RBFOX1: variants seen among roughly 807,000 people sequenced by gnomAD.
RBFOX1 encodes the protein RNA binding protein fox-1 homolog 1.
In RBFOX1, 8 loss-of-function variants were observed where a neutral mutation model predicts 57.7. The observed-to-expected ratio is 0.14, with a 90% CI of 0.08 to 0.25. RBFOX1 has a LOEUF of 0.25. RBFOX1 is among the 10% of genes least tolerant of loss of function. The pLI, the probability that RBFOX1 is intolerant of heterozygous loss-of-function variation, is 1.00. For missense variants in RBFOX1, 611 were observed against 548.5 expected (o/e 1.11, Z -1.14); for synonymous variants, 326 against 222.4 (o/e 1.47, Z -4.15).
At chr16:5,602,772 A>T (rs2047408115), downstream of RBFOX1, among the ~76,000 whole-genome samples, 1 of 152,130 alleles carries the variant, frequency 6.6e-6, no homozygotes, top group South Asian at 2.1e-4. Context: ...AATAAATGTA[A>T]TATAGTAAGA....
At chr16:6,106,466 C>CAAAAAAAAAAAAA (rs139996811) in intron 1 of RBFOX1, among the ~76,000 whole-genome samples, 3 of 109,450 alleles carry the variant, frequency 2.7e-5, no homozygotes, top group Admixed American at 9.5e-5. Flanking sequence ...GTATCTGTCT[C>CAAAAAAAAAAAAA]AAAAATAAAA....
intron 1 of RBFOX1, among the ~76,000 whole-genome samples, chr16:6,136,605 A>G (rs745706289): frequency 6.6e-6 from 1 of 152,200 alleles, no homozygotes; most frequent in Non-Finnish European, 1.5e-5. Context: ...AATGTAAATT[A>G]TACATTTGCA....
chr16:7,278,795 G>T (rs1307182655), intron 4 of RBFOX1, among the ~76,000 whole-genome samples: 1 of 152,158 alleles, frequency 6.6e-6, no homozygotes, highest in Non-Finnish European at 1.5e-5. Flanking sequence ...TATGTACACT[G>T]ATATTCATTC....
chr16:6,968,156 G>A (rs1004151998), intron 3 of RBFOX1, among the ~76,000 whole-genome samples: 3 of 152,152 alleles, frequency 2.0e-5, no homozygotes, highest in African/African-American at 7.2e-5. Flanking sequence ...CGGCCTCAGG[G>A]TGGGAACCCC....
intron 3 of RBFOX1, among the ~76,000 whole-genome samples, chr16:5,637,942 C>G (rs1325783224): frequency 2.0e-5 from 3 of 152,184 alleles, no homozygotes; most frequent in Admixed American, 6.5e-5. Context: ...TGAAAAATGC[C>G]TAGAGGTCCA....
intron 3 of RBFOX1, among the ~76,000 whole-genome samples, chr16:6,841,437 T>G (rs1163288624): frequency 6.6e-6 from 1 of 152,180 alleles, no homozygotes; most frequent in Non-Finnish European, 1.5e-5. Flanking sequence ...TTTTTTTCTT[T>G]TGTTTGCTTG....
chr16:6,099,314 G>A (rs1254425133), intron 1 of RBFOX1, among the ~76,000 whole-genome samples: 5 of 152,144 alleles, frequency 3.3e-5, no homozygotes, highest in South Asian at 2.1e-4. Context: ...TCATGATGAC[G>A]TCAGTAAAGG....
rs2094576016 is a variant in RBFOX1 at position 6,450,767 on chromosome 16, G to GACACA, written c.-64+133710_-64+133711insACACA. 6.2e-4 allele frequency among the ~76,000 whole-genome samples: 21 copies of GACACA among 34,136 alleles called. 1 individual carries two copies. In the South Asian group the frequency reaches 0.016, roughly 27 times the overall value. The allele number at this position is 34,136 out of a possible 152,430, so 22.4% of individuals were successfully genotyped here. A position where few individuals can be genotyped will look rare whatever the true frequency, so the allele number is the denominator to read the frequency against. On this transcript the variant is annotated intron_variant, in intron 2 of 15. Coordinates refer to ENST00000550418, the MANE Select transcript of RBFOX1 (RefSeq NM_018723.4). ...TATATATATATACATATATATATGT[G>GACACA]TATATATATATATATATATATACAT...
At chr16:6,393,913 ATCTC>A (rs1304460882) in intron 2 of RBFOX1, among the ~76,000 whole-genome samples, 1 of 152,202 alleles carries the variant, frequency 6.6e-6, no homozygotes, top group African/African-American at 2.4e-5. Context: ...GGGAATTATG[ATCTC>A]TCTCTGGAAG....
At position 5,910,228 on chromosome 16, in the gene RBFOX1, G is replaced by A. The variant is rs531240522; in HGVS notation, c.351+42893G>A. ...TCAGAATGAGAAGGGAACTAAAGTG[G>A]GTAGAGACCTCTATATAGCCTGGTC... On this transcript the variant is annotated intron_variant, in intron 4 of 19. Coordinates refer to the RBFOX1 transcript ENST00000641259. Among the ~76,000 whole-genome samples the A allele has an allele frequency of 2.0e-5, 3 of 152,154 alleles. No homozygotes were observed. The South Asian group carries it at 6.2e-4, about 32-fold the overall frequency.
chr16:5,637,481 G>T (rs570670860), intron 3 of RBFOX1, among the ~76,000 whole-genome samples: 1 of 152,214 alleles, frequency 6.6e-6, no homozygotes, highest in South Asian at 2.1e-4. Context: ...TAGGGTTGTT[G>T]TGGGCTTAGC....
chr16:6,515,467 C>A (rs1470467979), intron 2 of RBFOX1, among the ~76,000 whole-genome samples: 1 of 152,182 alleles, frequency 6.6e-6, no homozygotes, highest in African/African-American at 2.4e-5. Flanking sequence ...TAAGACATAA[C>A]TAATATGCTG....
chr16:6,807,034 A>C (rs1041672671), intron 3 of RBFOX1, among the ~76,000 whole-genome samples: 3 of 151,664 alleles, frequency 2.0e-5, no homozygotes, highest in South Asian at 2.1e-4. Context: ...GGGTTTCAGC[A>C]TGATTGCCAG....
intron 3 of RBFOX1, among the ~76,000 whole-genome samples, chr16:6,768,782 G>A (rs1044022326): frequency 1.3e-5 from 2 of 149,388 alleles, no homozygotes; most frequent in African/African-American, 5.0e-5. Flanking sequence ...AGGTTGGAGT[G>A]CAATGGGGCG....
At chr16:5,591,029 T>C (rs9941348) in intron 2 of RBFOX1, among the ~76,000 whole-genome samples, 29,850 of 151,874 alleles carry the variant, frequency 0.2, 3,265 homozygotes, top group East Asian at 0.32. Flanking sequence ...TTTTTTTTTT[T>C]TTCGGAAAAT....
intron 1 of RBFOX1, among the ~76,000 whole-genome samples, chr16:6,238,240 G>A (rs1407349503): frequency 1.3e-5 from 2 of 152,070 alleles, no homozygotes; most frequent in South Asian, 2.1e-4. Context: ...TGGAATTACA[G>A]TATGGCCAGG....
At chr16:5,300,626 C>A (rs192606010) in intron 1 of RBFOX1, among the ~76,000 whole-genome samples, 206 of 152,228 alleles carry the variant, frequency 1.4e-3, no homozygotes, top group Non-Finnish European at 2.5e-3. Flanking sequence ...GTGAAGACAT[C>A]TGGGACTCGG....
intron 4 of RBFOX1, among the ~76,000 whole-genome samples, chr16:7,430,835 C>T (rs530336216): frequency 6.6e-6 from 1 of 152,162 alleles, no homozygotes; most frequent in Admixed American, 6.5e-5. Flanking sequence ...TCTAAGCATC[C>T]TTATTCATAG....
chr16:5,290,681 C>T (rs933000089), intron 1 of RBFOX1, among the ~76,000 whole-genome samples: 1 of 148,166 alleles, frequency 6.7e-6, no homozygotes, highest in African/African-American at 2.5e-5. Flanking sequence ...GGTTGATAGG[C>T]ATAGAGCAGA....
Sources: allele counts gnomAD v4.1 joint callset (sites outside exome capture counted in the v4.1 genomes callset), GRCh38; gene constraint gnomAD v4.1.1; transcripts MANE v1.5; gene names NCBI Gene and HGNC (gene_info 2026-07-23, HGNC 2026-07-21).